Variants in MX1 observed in about 807,000 individuals in gnomAD.
MX1 encodes interferon-induced GTP-binding protein Mx1.
MX1 carries 66 observed loss-of-function variants against 66.4 expected under a neutral mutation model. That is an observed-to-expected ratio of 0.99 (90% CI 0.82 to 1.22). The LOEUF (loss-of-function observed/expected upper bound fraction) is 1.22. Ranked by LOEUF, MX1 falls within the 50% of genes most tolerant of loss-of-function variation. The probability of loss-of-function intolerance (pLI) is 0.00; values close to 1 mark genes in which losing one functional copy is unlikely to be tolerated. For missense variants in MX1, 787 were observed against 834.3 expected, an observed-to-expected ratio of 0.94 and a Z score of 0.70; for synonymous variants, 311 against 318.1, an observed-to-expected ratio of 0.98 and a Z score of 0.24.
chr21:41,433,408 G>A (rs530251303), intron 5 of MX1, among the ~76,000 whole-genome samples: 1 of 152,310 alleles, frequency 6.6e-6, no homozygotes, highest in East Asian at 1.9e-4. Context: ...CCCTGTCTAC[G>A]TGCCTGTCAT....
At chr21:41,455,550 G>A (rs1182414637) in intron 16 of MX1, among the ~76,000 whole-genome samples, 2 of 152,232 alleles carry the variant, frequency 1.3e-5, no homozygotes, top group Non-Finnish European at 1.5e-5. Flanking sequence ...GCCCTTCTCC[G>A]GGTTCATTTC....
intron 13 of MX1, 145 bp downstream of exon 13, chr21:41,446,286 A>T: frequency 1.3e-6 from 1 of 774,816 alleles, no homozygotes; most frequent in Non-Finnish European, 2.1e-6. Flanking sequence ...GTCTGGTGAG[A>T]GCTTGTTCTC....
rs1423341140 is a variant in MX1, at chr21:41,436,041, C to A, written c.298+12C>A. 1 of 1,613,502 alleles carries A rather than the reference C, an allele frequency of 6.2e-7. No individual in the cohort carries two copies. The stretch of plus-strand genomic sequence containing the variant: ...TCCCAGAGGCAGCGGTAAGAACTTA[C>A]ATTCTGTGTTAGTCTGCTCAGGCTG... On this transcript the variant is annotated intron_variant, in intron 6 of 16. Transcript: ENST00000398598.
At chr21:41,448,793 G>A (rs1035831399) in intron 13 of MX1, among the ~76,000 whole-genome samples, 6 of 152,000 alleles carry the variant, frequency 3.9e-5, no homozygotes, top group East Asian at 1.9e-4. Flanking sequence ...GTGACAGAGC[G>A]AGACTCTGTC....
intron 4 of MX1, among the ~76,000 whole-genome samples, chr21:41,431,021 TTTTG>T (rs1377133298): frequency 6.6e-6 from 1 of 152,208 alleles, no homozygotes; most frequent in Non-Finnish European, 1.5e-5. Flanking sequence ...AATGTAAAGT[TTTTG>T]TTTGTTGTTG....
At chr21:41,422,755 G>C (rs2090006165), upstream of MX1, 1 of 152,228 alleles carries the variant, frequency 6.6e-6, no homozygotes. Context: ...CTTGATTTCA[G>C]CATAGCGAGG....
chr21:41,446,059 G>A lies in MX1; in HGVS notation c.1191G>A (p.Gly397=), dbSNP rs1478987320. ...TCATGCAAGGAGAGGAAACTGTAGG[G>A]GAGGAAGACATTCGGCTGTTTACCA... ...TALMQGEETV[G]EEDIRLFTRL... Residue 397 remains glycine (G), a synonymous_variant, in exon 13 of 17, where the codon GGG becomes GGA. Transcript: ENST00000398598. 3 of 1,614,176 alleles carry A rather than the reference G, an allele frequency of 1.9e-6. No individual in the cohort carries two copies. Among genetic ancestry groups the A allele is most frequent in the East Asian group, 4.5e-5 (2 of 44,888 alleles).
At chr21:41,438,664 A>G (rs2090427379) in intron 7 of MX1, among the ~76,000 whole-genome samples, 1 of 152,196 alleles carries the variant, frequency 6.6e-6, no homozygotes, top group African/African-American at 2.4e-5. Context: ...CTCTCCATGG[A>G]AGTGACGAAG....
intron 10 of MX1, among the ~76,000 whole-genome samples, chr21:41,442,490 A>AT (rs1945643835): frequency 1.3e-5 from 2 of 152,204 alleles, no homozygotes; most frequent in Admixed American, 1.3e-4. Flanking sequence ...AGTTTATAAG[A>AT]TTTTTCTATC....
chr21:41,424,715 A>G (rs1568961082), upstream of MX1, among the ~76,000 whole-genome samples: 1 of 152,040 alleles, frequency 6.6e-6, no homozygotes, highest in African/African-American at 2.4e-5. Flanking sequence ...GCCCTCCCCA[A>G]CCCCTTTCAC....
chr21:41,439,478 A>G (rs1254104721), intron 7 of MX1, among the ~76,000 whole-genome samples: 3 of 152,192 alleles, frequency 2.0e-5, no homozygotes, highest in Non-Finnish European at 4.4e-5. Context: ...CGTTCTCACA[A>G]GGTCTCTCTA....
chr21:41,425,816 G>T (rs909345572), upstream of MX1, among the ~76,000 whole-genome samples: 1 of 152,118 alleles, frequency 6.6e-6, no homozygotes, highest in African/African-American at 2.4e-5. Flanking sequence ...GCAGCCATTG[G>T]CACACAATGC....
At chr21:41,456,582 C>T (rs906075856) in intron 16 of MX1, among the ~76,000 whole-genome samples, 1 of 152,188 alleles carries the variant, frequency 6.6e-6, no homozygotes, top group African/African-American at 2.4e-5. Context: ...GCAGCAATAC[C>T]TAGATTCGTG....
chr21:41,441,191 C>T lies in MX1; in HGVS notation c.730+166C>T, dbSNP rs1292784580. 1.4e-5 allele frequency: 15 copies of T among 1,044,772 alleles called. No homozygotes were observed. Among genetic ancestry groups the T allele is most frequent in the East Asian group, 7.9e-5 (3 of 38,070 alleles). The allele number at this position is 1,044,772 out of a possible 1,614,324, so 64.7% of individuals were successfully genotyped here. A position where few individuals can be genotyped will look rare whatever the true frequency, so the allele number is the denominator to read the frequency against. On this transcript the variant is annotated intron_variant, in intron 9 of 16. Transcript: ENST00000398598. This position sits in a 1 kb window ranked among gnomAD's most constrained non-coding sequence, Gnocchi z 4.0. ...GCTCGGTGGTCTGCCAGTGGGCAAG[C>T]GTCCCTCCAGTCTCCATGGGCTTTG...
In MX1 at chr21:41,441,574, C is replaced by G. The variant is rs2090512583; in HGVS notation, c.731-142C>G. ...CTTTTCTGGAGCGGGGCTCCACTGCCCCCATGGTTCTGCAGGGGCTATGGC... is the reference window on the plus strand; with the variant it reads ...CTTTTCTGGAGCGGGGCTCCACTGCGCCCATGGTTCTGCAGGGGCTATGGC... On this transcript the variant is annotated intron_variant, in intron 9 of 16. Transcript: ENST00000398598. This position sits in a 1 kb window ranked among gnomAD's most constrained non-coding sequence, Gnocchi z 4.0. 1.2e-6 allele frequency: 1 copy of G among 827,606 alleles called. No homozygotes were observed. Among genetic ancestry groups the G allele is most frequent in the Non-Finnish European group, 2.0e-6 (1 of 496,160 alleles). 51.3% of individuals were successfully genotyped at this position (827,606 alleles called of 1,614,324 possible).
In MX1 at chr21:41,436,074, A is replaced by G. The variant is rs777315554; in HGVS notation, c.298+45A>G. The stretch of plus-strand genomic sequence containing the variant: ...GTTAGTCTGCTCAGGCTGCCATAAC[A>G]AAATACCACAGACAGGGTGGCTTAT... On this transcript the variant is annotated intron_variant, in intron 6 of 16. Coordinates refer to ENST00000398598, the MANE Select transcript of MX1 (RefSeq NM_002462.5). 4 of 1,595,256 alleles carry G rather than the reference A, an allele frequency of 2.5e-6. 1 individual carries two copies. The highest frequency in any genetic ancestry group is 3.3e-4 in the Middle Eastern group (2 of 5,996).
At chr21:41,455,307 T>C (rs564874060) in intron 16 of MX1, among the ~76,000 whole-genome samples, 1 of 152,288 alleles carries the variant, frequency 6.6e-6, no homozygotes. Context: ...CATCCATTCC[T>C]CCAGACACTG....
At position 41,458,886 on chromosome 21, in the gene MX1, C is replaced by T. The variant is rs1039469061; in HGVS notation, c.*128C>T. The T allele has an allele frequency of 6.7e-5, 96 of 1,429,728 alleles. 1 individual carries two copies. The Middle Eastern group carries it at 7.2e-4, about 11-fold the overall frequency. 88.6% of individuals were successfully genotyped at this position (1,429,728 alleles called of 1,614,324 possible). On this transcript the variant is annotated 3_prime_UTR_variant, in exon 17 of 17. Transcript: ENST00000398598. Reference sequence around the variant, plus strand: ...AGTCCGTCTCTGCTTATCCGTTAGCCGTGGTGATTTAGCAGGAAGCTGTGA... The same window carrying T: ...AGTCCGTCTCTGCTTATCCGTTAGCTGTGGTGATTTAGCAGGAAGCTGTGA...
chr21:41,442,354 G>T (rs566815018), intron 10 of MX1, among the ~76,000 whole-genome samples: 12 of 152,056 alleles, frequency 7.9e-5, no homozygotes, highest in Non-Finnish European at 1.3e-4. Context: ...GTGGTGTTAG[G>T]ATAATTAATA....
Sources: gnomAD v4.1 joint callset for allele counts (sites outside exome capture counted in the v4.1 genomes callset) on GRCh38, gnomAD v4.1.1 for gene constraint, Gnocchi (gnomAD v3.1) non-coding constraint, MANE v1.5 for transcripts, NCBI Gene and HGNC (gene_info 2026-07-23, HGNC 2026-07-21) for gene names.